The following CIB4 variants were observed in gnomAD, a reference collection of about 807,000 sequenced individuals.
The protein encoded by CIB4 is calcium and integrin binding family member 4.
CIB4 carries 25 observed loss-of-function variants against 25.8 expected under a neutral mutation model. The observed-to-expected ratio is 0.97, with a 90% CI of 0.71 to 1.35. The LOEUF (loss-of-function observed/expected upper bound fraction) is 1.35. Among genes scored for constraint, CIB4 ranks in the 40% most tolerant of loss-of-function variants. The pLI, the probability that CIB4 is intolerant of heterozygous loss-of-function variation, is 0.00. For missense variants in CIB4, 235 were observed against 228.2 expected, an observed-to-expected ratio of 1.03 and a Z score of -0.19; for synonymous variants, 75 against 81.4, an observed-to-expected ratio of 0.92 and a Z score of 0.42.
At chr2:26,634,600 A>G (rs181530639) in intron 2 of CIB4, among the ~76,000 whole-genome samples, 551 of 152,348 alleles carry the variant, frequency 3.6e-3, no homozygotes, top group Non-Finnish European at 6.0e-3. Context: ...ACTGATGCTC[A>G]GGGAGGGTAA....
intron 3 of CIB4, among the ~76,000 whole-genome samples, chr2:26,623,235 C>T (rs1669238547): frequency 6.6e-6 from 1 of 151,158 alleles, no homozygotes; most frequent in Non-Finnish European, 1.5e-5. Flanking sequence ...TCCAGCTACT[C>T]GGGAGGCTGA....
chr2:26,617,466 G>T (rs919036374), intron 3 of CIB4, among the ~76,000 whole-genome samples: 1 of 152,184 alleles, frequency 6.6e-6, no homozygotes, highest in African/African-American at 2.4e-5. Flanking sequence ...TTCCTCATCT[G>T]TAGAATGGGG....
chr2:26,608,765 C>T (rs556355103), intron 3 of CIB4, among the ~76,000 whole-genome samples: 55 of 152,268 alleles, frequency 3.6e-4, no homozygotes, highest in African/African-American at 1.3e-3. Context: ...CAGATCTCAC[C>T]AAGCCTTCTT....
rs1392893337 is a variant in CIB4, at chr2:26,627,680, A to C, written c.186+1730T>G. Among the ~76,000 whole-genome samples, 1 of 152,136 alleles carries C rather than the reference A, an allele frequency of 6.6e-6. No homozygotes were observed. Among genetic ancestry groups the C allele is most frequent in the Non-Finnish European group, 1.5e-5 (1 of 68,018 alleles). On this transcript the variant is annotated intron_variant, in intron 3 of 6. Transcript: ENST00000288861. The surrounding 1 kb of genome is among the most constrained non-coding windows in gnomAD (Gnocchi z 4.0). The stretch of plus-strand genomic sequence containing the variant: ...CCCATTTTGTTTCTGTCACAGTCAC[A>C]GTCTCCGATTCACTCACCTTTCTGA...
In CIB4 at chr2:26,598,021, C is replaced by T. The variant is rs772593094; in HGVS notation, c.187-2704G>A. 4.0e-5 allele frequency among the ~76,000 whole-genome samples: 6 copies of T among 151,794 alleles called. No individual in the cohort carries two copies. In the East Asian group the frequency reaches 7.7e-4, roughly 20 times the overall value. On this transcript the variant is annotated intron_variant, in intron 3 of 6. Transcript: ENST00000288861. ...ACTTTAATAAAAAACATTTTTTGGC[C>T]GGGCACGGTGGCTCACGCCTGTAAT... is the stretch of plus-strand genomic sequence containing the variant.
At chr2:26,624,643 G>A (rs1180057014) in intron 3 of CIB4, among the ~76,000 whole-genome samples, 2 of 147,776 alleles carry the variant, frequency 1.4e-5, no homozygotes, top group East Asian at 4.0e-4. Context: ...TCCTTACTTG[G>A]CAAAACTGAA....
intron 3 of CIB4, among the ~76,000 whole-genome samples, chr2:26,596,008 CAT>C (rs1246263934): frequency 6.6e-6 from 1 of 152,164 alleles, no homozygotes; most frequent in Non-Finnish European, 1.5e-5. Context: ...TATGACACAA[CAT>C]GTGAGCACGT....
At chr2:26,583,706 T>A (rs577219380) in intron 5 of CIB4, 83 bp downstream of exon 5, 4 of 870,384 alleles carry the variant, frequency 4.6e-6, no homozygotes, top group Non-Finnish European at 7.8e-6. Context: ...CCCAAGAGGG[T>A]GGCCTGACAT....
intron 4 of CIB4, among the ~76,000 whole-genome samples, 179 bp from the exon 5 acceptor site, chr2:26,584,077 T>C (rs901630579): frequency 1.3e-5 from 2 of 152,056 alleles, no homozygotes; most frequent in African/African-American, 2.4e-5. Flanking sequence ...AAATAACCCG[T>C]CGGAAATACC....
intron 3 of CIB4, among the ~76,000 whole-genome samples, chr2:26,609,798 G>A (rs12474099): frequency 0.11 from 16,603 of 152,134 alleles, 1,166 homozygotes; most frequent in Admixed American, 0.24. Context: ...CTCAGGCTGG[G>A]AACTTAAACA....
chr2:26,589,130 TCTTCTTCTTCTCCTTCCC>T (rs1668534847), intron 4 of CIB4, among the ~76,000 whole-genome samples: 1 of 134,618 alleles, frequency 7.4e-6, no homozygotes, highest in African/African-American at 3.1e-5. Flanking sequence ...TTCTTCTTCT[TCTTCTTCTTCTCCTTCCC>T]CTTCCCCTTC....
intron 4 of CIB4, among the ~76,000 whole-genome samples, chr2:26,585,642 T>C (rs369151492): frequency 6.6e-6 from 1 of 152,148 alleles, no homozygotes; most frequent in Admixed American, 6.5e-5. Context: ...TCAGAGATTA[T>C]GAAACTGAGG....
At chr2:26,633,456 C>T (rs1048988987) in intron 2 of CIB4, among the ~76,000 whole-genome samples, 2 of 152,116 alleles carry the variant, frequency 1.3e-5, no homozygotes, top group East Asian at 3.9e-4. Flanking sequence ...CTGTGCTGCC[C>T]ACCCCTAAAG....
At chr2:26,597,508 A>G (rs1032388123) in intron 3 of CIB4, among the ~76,000 whole-genome samples, 7 of 152,188 alleles carry the variant, frequency 4.6e-5, no homozygotes, top group Non-Finnish European at 7.4e-5. Context: ...AAGAATAATG[A>G]AGCATATCCA....
intron 3 of CIB4, among the ~76,000 whole-genome samples, chr2:26,615,163 C>A (rs1218033579): frequency 6.6e-6 from 1 of 152,194 alleles, no homozygotes; most frequent in Admixed American, 6.5e-5. Flanking sequence ...GAACTGGAGA[C>A]AGTAACAGTC....
At chr2:26,625,733 G>A (rs1455367039) in intron 3 of CIB4, among the ~76,000 whole-genome samples, 1 of 152,178 alleles carries the variant, frequency 6.6e-6, no homozygotes, top group Non-Finnish European at 1.5e-5. Context: ...AAGCTCTTTA[G>A]TTTAATTAGA....
intron 3 of CIB4, among the ~76,000 whole-genome samples, chr2:26,595,904 C>CACAG (rs1246280029): frequency 8.3e-5 from 1 of 12,090 alleles, no homozygotes; most frequent in African/African-American, 9.5e-5. Flanking sequence ...CGCGCACACA[C>CACAG]ACACACACAC....
At chr2:26,581,565 C>CT (rs1471496012) in intron 6 of CIB4, among the ~76,000 whole-genome samples, 172 bp from the exon 7 acceptor site, 2 of 152,202 alleles carry the variant, frequency 1.3e-5, no homozygotes, top group African/African-American at 4.8e-5. Flanking sequence ...CTTCTTTAAG[C>CT]TTCTTTCAGC....
intron 4 of CIB4, among the ~76,000 whole-genome samples, chr2:26,587,304 C>CAAACA (rs1553372980): frequency 3.3e-5 from 2 of 61,466 alleles, no homozygotes; most frequent in Non-Finnish European, 5.2e-5. Context: ...GACTCCGTCT[C>CAAACA]AAAAAAAAAA....
Sources: allele counts gnomAD v4.1 joint callset (sites outside exome capture counted in the v4.1 genomes callset), GRCh38; gene constraint gnomAD v4.1.1; non-coding constraint Gnocchi (gnomAD v3.1); transcripts MANE v1.5; gene names NCBI Gene and HGNC (gene_info 2026-07-23, HGNC 2026-07-21).